The following ARHGEF37 variants were observed in gnomAD, a reference collection of about 807,000 sequenced individuals.
ARHGEF37 encodes the protein Rho guanine nucleotide exchange factor 37.
ARHGEF37 carries 55 observed loss-of-function variants against 71.1 expected under a neutral mutation model. That is an observed-to-expected ratio of 0.77 (90% CI 0.62 to 0.97). ARHGEF37 has a LOEUF of 0.97. ARHGEF37 is among the 50% of genes least tolerant of loss of function. The probability of loss-of-function intolerance (pLI) is 0.00; values close to 1 mark genes in which losing one functional copy is unlikely to be tolerated. For synonymous variants in ARHGEF37, 327 were observed against 350.6 expected (o/e 0.93, Z 0.75); for missense variants, 765 against 836.8 (o/e 0.91, Z 1.06).
At chr5:149,599,384 C>G (rs1763684690) in intron 2 of ARHGEF37, among the ~76,000 whole-genome samples, 1 of 148,200 alleles carries the variant, frequency 6.7e-6, no homozygotes, top group Admixed American at 6.8e-5. Flanking sequence ...GGCAGGGGAA[C>G]CCAAAAGGCC....
chr5:149,580,492 G>GA (rs1200044492), upstream of ARHGEF37, among the ~76,000 whole-genome samples: 1 of 152,030 alleles, frequency 6.6e-6, no homozygotes, highest in African/African-American at 2.4e-5. Flanking sequence ...TAAGCAGCCT[G>GA]AACCCTCAGA....
At chr5:149,568,350 T>C (rs1410174309) in intron 1 of ARHGEF37, among the ~76,000 whole-genome samples, 2 of 152,096 alleles carry the variant, frequency 1.3e-5, no homozygotes, top group Admixed American at 6.6e-5. Context: ...AAGCCTAAAA[T>C]GTACAGAAGA....
intron 9 of ARHGEF37, 107 bp from the exon 10 acceptor site, chr5:149,623,905 T>G: frequency 1.4e-6 from 2 of 1,428,150 alleles, no homozygotes; most frequent in Non-Finnish European, 1.9e-6. Flanking sequence ...CAGGACAGAG[T>G]ATCACTCAGA....
chr5:149,556,108 C>T (rs1762751539), intron 1 of ARHGEF37, among the ~76,000 whole-genome samples: 1 of 152,134 alleles, frequency 6.6e-6, no homozygotes, highest in Non-Finnish European at 1.5e-5. Flanking sequence ...AGAAGGGTAG[C>T]CTGCCAATCT....
At chr5:149,565,476 G>GCTACTAT (rs1339852830) in intron 1 of ARHGEF37, among the ~76,000 whole-genome samples, 10 of 152,298 alleles carry the variant, frequency 6.6e-5, no homozygotes, top group Non-Finnish European at 1.0e-4. Context: ...CCAGATCAGT[G>GCTACTAT]CTACTATCTA....
chr5:149,595,491 C>A (rs1763519703), intron 1 of ARHGEF37, among the ~76,000 whole-genome samples: 1 of 152,156 alleles, frequency 6.6e-6, no homozygotes, highest in Admixed American at 6.6e-5. Context: ...CTATTTGGTA[C>A]TTGTAAAACA....
At chr5:149,571,800 A>C (rs1762968833) in intron 1 of ARHGEF37, among the ~76,000 whole-genome samples, 1 of 149,664 alleles carries the variant, frequency 6.7e-6, no homozygotes, top group Non-Finnish European at 1.5e-5. Context: ...CATGCTACTT[A>C]GGAGACTGAG....
In ARHGEF37 at chr5:149,601,859, G is replaced by A. The variant is rs141644837; in HGVS notation, c.310+628G>A. Among the ~76,000 whole-genome samples the A allele has an allele frequency of 3.9e-4, 60 of 152,138 alleles. No homozygotes were observed. In the East Asian group the frequency reaches 6.0e-3, roughly 15 times the overall value. ...AGTCCAGAATGTTTAAAGGACAGAC[G>A]GAAGGTTGATGTGGCTCCAGGGAAA... is the stretch of plus-strand genomic sequence containing the variant. On this transcript the variant is annotated intron_variant, in intron 3 of 12. Coordinates refer to ENST00000333677, the MANE Select transcript of ARHGEF37 (RefSeq NM_001001669.3).
intron 9 of ARHGEF37, 40 bp downstream of exon 9, chr5:149,622,102 A>C: frequency 6.5e-7 from 1 of 1,541,872 alleles, no homozygotes; most frequent in Non-Finnish European, 8.8e-7. Context: ...GGGAGTAGCC[A>C]GGCAAGGCCC....
chr5:149,599,434 C>CTTATATATTTATTTATTTAT, intron 2 of ARHGEF37, among the ~76,000 whole-genome samples: 1 of 147,900 alleles, frequency 6.8e-6, no homozygotes, highest in South Asian at 2.2e-4. Flanking sequence ...CCAAGGCAAA[C>CTTATATATTTATTTATTTAT]TTATTTATTT....
chr5:149,586,784 T>C (rs1452713427), intron 1 of ARHGEF37, among the ~76,000 whole-genome samples: 6 of 152,210 alleles, frequency 3.9e-5, no homozygotes, highest in Non-Finnish European at 5.9e-5. Context: ...TTTTAGTCCT[T>C]ATTACTGTCC....
intron 10 of ARHGEF37, 182 bp from the exon 11 acceptor site, chr5:149,626,894 G>A (rs1356030948): frequency 4.2e-6 from 2 of 476,160 alleles, no homozygotes; most frequent in Non-Finnish European, 7.3e-6. Flanking sequence ...AAACGCCGTA[G>A]GCTGCTAAGA....
At chr5:149,589,648 C>T (rs887218788) in intron 1 of ARHGEF37, among the ~76,000 whole-genome samples, 1 of 152,040 alleles carries the variant, frequency 6.6e-6, no homozygotes, top group Non-Finnish European at 1.5e-5. Context: ...TACAGGTACC[C>T]GCCATCACGC....
At chr5:149,598,607 G>C (rs1763645618) in intron 2 of ARHGEF37, among the ~76,000 whole-genome samples, 2 of 151,350 alleles carry the variant, frequency 1.3e-5, no homozygotes, top group Admixed American at 1.3e-4. Context: ...ATGCTTAAAA[G>C]TCAGGAAATG....
Position 149,567,899 on chromosome 5 carries a change from C to G in ARHGEF37, c.-12+15776C>G, listed in dbSNP as rs866075707. 2.6e-5 allele frequency among the ~76,000 whole-genome samples: 4 copies of G among 152,182 alleles called. No homozygotes were observed. The South Asian group carries it at 6.2e-4, about 24-fold the overall frequency. On this transcript the variant is annotated intron_variant, in intron 1 of 2. Coordinates refer to the ARHGEF37 transcript ENST00000505810. ...ATTTTAGAAACCAAGATCTGGGTAC[C>G]AAATGTGTTTATCTCTATTGGTTTG...
intron 1 of ARHGEF37, among the ~76,000 whole-genome samples, chr5:149,593,406 A>C (rs948907306): frequency 2.0e-5 from 3 of 152,230 alleles, no homozygotes; most frequent in African/African-American, 7.2e-5. Context: ...CATTTCATAT[A>C]AATGCAATAA....
At chr5:149,606,530 G>T (rs1183208277) in intron 3 of ARHGEF37, 3 of 152,200 alleles carry the variant, frequency 2.0e-5, no homozygotes. Flanking sequence ...GTGGTCCCTG[G>T]TTCCCCACCT....
intron 4 of ARHGEF37, among the ~76,000 whole-genome samples, chr5:149,614,653 T>A (rs1429667732): frequency 6.6e-6 from 1 of 152,130 alleles, no homozygotes; most frequent in East Asian, 1.9e-4. Flanking sequence ...TGGCAGTGGT[T>A]TCCACCTCCC....
At chr5:149,589,300 T>G (rs1013261405) in intron 1 of ARHGEF37, among the ~76,000 whole-genome samples, 2 of 151,664 alleles carry the variant, frequency 1.3e-5, no homozygotes, top group Admixed American at 6.7e-5. Flanking sequence ...TTTTATTATG[T>G]TTTTAATTGA....
Sources: allele counts gnomAD v4.1 joint callset (sites outside exome capture counted in the v4.1 genomes callset), GRCh38; gene constraint gnomAD v4.1.1; transcripts MANE v1.5; gene names NCBI Gene and HGNC (gene_info 2026-07-23, HGNC 2026-07-21).